CNBD1: variants seen among roughly 807,000 people sequenced by gnomAD.
The protein encoded by CNBD1 is cyclic nucleotide-binding domain-containing protein 1.
In CNBD1, 71 loss-of-function variants were observed where a neutral mutation model predicts 54.4. The observed-to-expected ratio is 1.30, with a 90% CI of 1.08 to 1.59. The LOEUF (loss-of-function observed/expected upper bound fraction) is 1.59. CNBD1 is among the 40% of genes most tolerant of loss of function. The pLI, the probability that CNBD1 is intolerant of heterozygous loss-of-function variation, is 0.00. For missense variants in CNBD1, 659 were observed against 518.0 expected (o/e 1.27, Z -2.64); for synonymous variants, 182 against 170.7 (o/e 1.07, Z -0.51).
At chr8:87,215,661 TG>T (rs1814194636) in intron 5 of CNBD1, among the ~76,000 whole-genome samples, 1 of 152,086 alleles carries the variant, frequency 6.6e-6, no homozygotes, top group African/African-American at 2.4e-5. Flanking sequence ...CGAGATTCAA[TG>T]TATCTTTACA....
intron 4 of CNBD1, among the ~76,000 whole-genome samples, chr8:87,046,217 T>C (rs1810187622): frequency 6.6e-6 from 1 of 152,048 alleles, no homozygotes; most frequent in African/African-American, 2.4e-5. Flanking sequence ...ATAATAGAGA[T>C]ATTAAGTACT....
At chr8:87,175,025 G>A (rs1813168417) in intron 4 of CNBD1, among the ~76,000 whole-genome samples, 1 of 152,182 alleles carries the variant, frequency 6.6e-6, no homozygotes, top group Admixed American at 6.5e-5. Context: ...CAGGCCTGAA[G>A]CCAGCACAGT....
chr8:86,906,569 C>T (rs6982132), intron 3 of CNBD1, among the ~76,000 whole-genome samples: 137,458 of 152,248 alleles, frequency 0.9, 62,112 homozygotes, highest in East Asian at 1. Context: ...GATAAAAATA[C>T]TTTGTACTTT....
chr8:87,401,102 C>T (rs1041974811), intron 2 of CNBD1, among the ~76,000 whole-genome samples: 2 of 151,924 alleles, frequency 1.3e-5, no homozygotes, highest in South Asian at 2.1e-4. Context: ...AGTGAGGCAA[C>T]AAAAATTCCT....
intron 4 of CNBD1, among the ~76,000 whole-genome samples, chr8:86,985,821 G>C (rs1304619902): frequency 1.3e-5 from 2 of 152,158 alleles, no homozygotes; most frequent in Non-Finnish European, 2.9e-5. Flanking sequence ...CACCAACAAT[G>C]GTTAAGCCTT....
rs116223490 is a variant in CNBD1 at position 87,022,650 on chromosome 8, C to T, written c.431+82896C>T. Among the ~76,000 whole-genome samples, 853 of 152,276 alleles carry T rather than the reference C, an allele frequency of 5.6e-3. 17 individuals carry two copies. The highest frequency in any genetic ancestry group is 0.02 in the African/African-American group (815 of 41,570). On this transcript the variant is annotated intron_variant, in intron 4 of 10. Transcript: ENST00000518476. ...AAATCTACAAATTTCCAATTGCGTA[C>T]ACATTTATACTTTAGCTTTTCTGTA...
chr8:87,032,024 G>T (rs752724912), intron 4 of CNBD1, among the ~76,000 whole-genome samples: 3 of 152,214 alleles, frequency 2.0e-5, no homozygotes, highest in Non-Finnish European at 4.4e-5. Flanking sequence ...TTACAGGCAT[G>T]AGCCACAGTG....
chr8:87,200,735 C>T (rs1813841850), intron 4 of CNBD1, among the ~76,000 whole-genome samples: 1 of 151,996 alleles, frequency 6.6e-6, no homozygotes, highest in South Asian at 2.1e-4. Context: ...TCCAAAGTAA[C>T]CTATAACAAA....
At chr8:87,383,609 A>G (rs913447262), downstream of CNBD1, among the ~76,000 whole-genome samples, 11 of 152,040 alleles carry the variant, frequency 7.2e-5, no homozygotes, top group African/African-American at 2.2e-4. Flanking sequence ...TACACTATTA[A>G]TGTGTTTCTT....
At chr8:87,346,818 A>G (rs1041761551) in intron 8 of CNBD1, among the ~76,000 whole-genome samples, 5 of 152,244 alleles carry the variant, frequency 3.3e-5, no homozygotes, top group Admixed American at 1.3e-4. Flanking sequence ...CCAAGCATTC[A>G]GAGTCACTAA....
At chr8:87,386,766 G>A (rs1811198512), downstream of CNBD1, among the ~76,000 whole-genome samples, 1 of 152,084 alleles carries the variant, frequency 6.6e-6, no homozygotes, top group Non-Finnish European at 1.5e-5. Context: ...ACGCCACAAA[G>A]ATACTCCTCA....
At chr8:87,176,652 A>ATTT (rs1254470877) in intron 4 of CNBD1, among the ~76,000 whole-genome samples, 1 of 134,892 alleles carries the variant, frequency 7.4e-6, no homozygotes, top group Non-Finnish European at 1.6e-5. Context: ...GCCCGGCTAA[A>ATTT]TTTTTTTTTT....
chr8:87,112,280 T>C (rs1054398691), intron 4 of CNBD1, among the ~76,000 whole-genome samples: 5 of 152,220 alleles, frequency 3.3e-5, no homozygotes, highest in Admixed American at 3.3e-4. Context: ...TTTTGAGTCA[T>C]GGGATAGTGC....
At chr8:86,962,160 A>G (rs897757551) in intron 4 of CNBD1, among the ~76,000 whole-genome samples, 2 of 152,352 alleles carry the variant, frequency 1.3e-5, no homozygotes, top group Middle Eastern at 3.4e-3. Flanking sequence ...AAGAAGTCCC[A>G]GGACTTCAGA....
intron 4 of CNBD1, among the ~76,000 whole-genome samples, chr8:87,079,923 T>A (rs1210665427): frequency 6.6e-6 from 1 of 152,208 alleles, no homozygotes; most frequent in African/African-American, 2.4e-5. Flanking sequence ...ATTTTTCTCA[T>A]TTTTTTCTTC....
At chr8:87,127,375 C>A (rs1812014058) in intron 4 of CNBD1, among the ~76,000 whole-genome samples, 1 of 152,038 alleles carries the variant, frequency 6.6e-6, no homozygotes. Context: ...TCTTGTACAT[C>A]TTTTGTCAGA....
At chr8:87,266,436 A>AAAAAGATTTT (rs71503464) in intron 6 of CNBD1, among the ~76,000 whole-genome samples, 1 of 76,226 alleles carries the variant, frequency 1.3e-5, no homozygotes, top group Non-Finnish European at 3.1e-5. Context: ...AAAAAAAAAA[A>AAAAAGATTTT]TCTTTTTTTT....
At chr8:87,412,998 C>T (rs369994054) in intron 2 of CNBD1, among the ~76,000 whole-genome samples, 54 of 152,092 alleles carry the variant, frequency 3.6e-4, no homozygotes, top group African/African-American at 9.9e-4. Context: ...TTGATATCTT[C>T]AGGGCGAGAT....
intron 3 of CNBD1, among the ~76,000 whole-genome samples, chr8:86,917,459 C>T (rs1454841754): frequency 2.0e-5 from 3 of 152,238 alleles, no homozygotes; most frequent in South Asian, 2.1e-4. Context: ...TGATCTACCT[C>T]GAGTTAGTGC....
Sources: gnomAD v4.1 joint callset for allele counts (sites outside exome capture counted in the v4.1 genomes callset) on GRCh38, gnomAD v4.1.1 for gene constraint, MANE v1.5 for transcripts, NCBI Gene and HGNC (gene_info 2026-07-23, HGNC 2026-07-21) for gene names.